Variants in RIN2 observed in about 807,000 individuals in gnomAD.
RIN2 encodes RAB5 interacting protein 2.
RIN2 carries 36 observed loss-of-function variants against 78.0 expected under a neutral mutation model. That is an observed-to-expected ratio of 0.46 (90% CI 0.35 to 0.61). The LOEUF (loss-of-function observed/expected upper bound fraction) is 0.61, where lower values mean the gene tolerates loss of function less well. Ranked by LOEUF, RIN2 falls within the 20% of genes least tolerant of loss-of-function variation. The pLI is 0.00. For missense variants in RIN2, 1,087 were observed against 1,159.7 expected (o/e 0.94, Z 0.91); for synonymous variants, 466 against 466.8 (o/e 1.00, Z 0.02).
intron 3 of RIN2, among the ~76,000 whole-genome samples, chr20:19,903,794 T>A (rs557297300): frequency 1.3e-5 from 2 of 152,346 alleles, no homozygotes; most frequent in Non-Finnish European, 2.9e-5. Flanking sequence ...TATCTCTGAA[T>A]CAGGCTTTCC....
At chr20:19,854,107 G>A (rs1161198939) in intron 2 of RIN2, among the ~76,000 whole-genome samples, 3 of 152,122 alleles carry the variant, frequency 2.0e-5, no homozygotes, top group African/African-American at 2.4e-5. Context: ...TGGCTAGCCA[G>A]TTTTCCCAGC....
chr20:19,868,925 A>G (rs2037592524), intron 2 of RIN2, among the ~76,000 whole-genome samples: 1 of 152,066 alleles, frequency 6.6e-6, no homozygotes, highest in African/African-American at 2.4e-5. Context: ...TACTAAAAAT[A>G]CAAAAAGTTA....
At position 19,890,679 on chromosome 20, in the gene RIN2, C is replaced by CAAAAAAAAAAAAAAAAAAAA. The variant is rs534202183; in HGVS notation, c.57+1026_57+1045dup. Among the ~76,000 whole-genome samples the CAAAAAAAAAAAAAAAAAAAA allele has an allele frequency of 6.2e-5, 4 of 64,458 alleles. 1 individual carries two copies. The highest frequency in any genetic ancestry group is 1.1e-4 in the African/African-American group (2 of 17,454). 42.3% of individuals were successfully genotyped at this position (64,458 alleles called of 152,430 possible). ...TATATTGTGTCAACTGTTGACTCTA[C>CAAAAAAAAAAAAAAAAAAAA]AAAAAAAAAAAAAAAAAAAAAAAAC... On this transcript the variant is annotated intron_variant, in intron 3 of 12. Transcript: ENST00000255006.
intron 2 of RIN2, among the ~76,000 whole-genome samples, chr20:19,840,885 A>G (rs370965030): frequency 2.6e-5 from 4 of 152,146 alleles, no homozygotes; most frequent in East Asian, 3.9e-4. Context: ...ACTGGTTAAG[A>G]GAGTTTGTTG....
intron 1 of RIN2, among the ~76,000 whole-genome samples, chr20:19,770,945 G>T (rs1365106217): frequency 2.7e-5 from 4 of 147,914 alleles, no homozygotes; most frequent in Non-Finnish European, 5.9e-5. Flanking sequence ...CCGGCATCAA[G>T]TGGGGGTTCC....
chr20:19,804,609 A>C (rs1445519043), intron 2 of RIN2, among the ~76,000 whole-genome samples: 1 of 152,120 alleles, frequency 6.6e-6, no homozygotes, highest in Non-Finnish European at 1.5e-5. Context: ...CCAGTATTTT[A>C]TTGAGGATTT....
chr20:19,901,652 A>G (rs1171691952), intron 3 of RIN2, among the ~76,000 whole-genome samples: 2 of 152,226 alleles, frequency 1.3e-5, no homozygotes, highest in Non-Finnish European at 2.9e-5. Context: ...AAAATCAACT[A>G]TTTTGGTGCC....
rs1458603682 is a variant in RIN2 at position 20,000,931 on chromosome 20, T to C, written c.2683T>C (p.Ser895Pro). 6.2e-7 allele frequency: 1 copy of C among 1,607,870 alleles called. No individual in the cohort carries two copies. Among genetic ancestry groups the C allele is most frequent in the Non-Finnish European group, 8.5e-7 (1 of 1,176,990 alleles). ...FQNGEEDLTTS is the reference protein window; with the variant it reads ...FQNGEEDLTTP ...GAACGGGGAAGAAGACCTCACCACC[T>C]CCTAGAAGACAGGCGGGACTTCCCA... is the stretch of plus-strand genomic sequence containing the variant. Residue 895 changes from serine to proline, a missense_variant, in exon 13 of 13, where the codon TCC becomes CCC. Physicochemically the swap from Ser to Pro is moderately conservative, Grantham distance 74. Transcript: ENST00000255006.
At chr20:19,820,519 G>T (rs1351430447) in intron 2 of RIN2, among the ~76,000 whole-genome samples, 3 of 152,216 alleles carry the variant, frequency 2.0e-5, no homozygotes, top group African/African-American at 7.2e-5. Context: ...TTCTATCACA[G>T]ATTTGGAGAG....
chr20:19,831,276 T>C (rs1241549502), intron 2 of RIN2, among the ~76,000 whole-genome samples: 1 of 152,226 alleles, frequency 6.6e-6, no homozygotes, highest in Non-Finnish European at 1.5e-5. Context: ...TACATTAACA[T>C]TTTTTAACCT....
At position 19,844,839 on chromosome 20, in the gene RIN2, C is replaced by A. The variant is rs538882741; in HGVS notation, c.-36-44727C>A. On this transcript the variant is annotated intron_variant, in intron 2 of 12. Transcript: ENST00000255006. ...CATGATGGTTTGCTGCACCAATCAA[C>A]CTGTCATCTACATTAGGTATTTCTG... Among the ~76,000 whole-genome samples the A allele has an allele frequency of 1.0e-3, 153 of 151,946 alleles. 1 individual carries two copies. The highest frequency in any genetic ancestry group is 3.4e-3 in the Middle Eastern group (1 of 294).
chr20:19,805,874 C>G lies in RIN2; in HGVS notation c.-37+6127C>G, dbSNP rs140638386. Among the ~76,000 whole-genome samples, 305 of 152,274 alleles carry G rather than the reference C, an allele frequency of 2.0e-3. 2 individuals are homozygous for G. The highest frequency in any genetic ancestry group is 7.0e-3 in the African/African-American group (290 of 41,548). On this transcript the variant is annotated intron_variant, in intron 2 of 12. Coordinates refer to ENST00000255006, the MANE Select transcript of RIN2 (RefSeq NM_018993.4). ...CTAATGCTATCCCTCCCCCAGCCCC[C>G]AACCTCCAACAGGCCACAGTGTGTG...
chr20:19,824,735 G>A (rs2036033230), intron 2 of RIN2, among the ~76,000 whole-genome samples: 1 of 152,164 alleles, frequency 6.6e-6, no homozygotes, highest in African/African-American at 2.4e-5. Flanking sequence ...AGGAGCTAAG[G>A]AGAAGGAAAA....
chr20:19,956,665 C>G lies in RIN2; in HGVS notation c.209C>G (p.Thr70Ser). 6.2e-7 allele frequency: 1 copy of G among 1,613,388 alleles called. No homozygotes were observed. Among genetic ancestry groups the G allele is most frequent in the Non-Finnish European group, 8.5e-7 (1 of 1,179,708 alleles). ...TATTCCGAGGAAGAGGACGTGAAGACCTGTGCCCGGGACTCAGGCTATGAC... is the reference window on the plus strand; with the variant it reads ...TATTCCGAGGAAGAGGACGTGAAGAGCTGTGCCCGGGACTCAGGCTATGAC... ...GGYSEEEDVK[T>S]CARDSGYDSL... The change falls in exon 5 of 13, where the codon ACC becomes AGC. Residue 70 changes from threonine (T) to serine (S), a missense_variant. This residue lies in a region of RIN2 where 706 missense variants were observed against 667.5 expected (regional missense o/e 1.06). Coordinates refer to ENST00000255006, the MANE Select transcript of RIN2 (RefSeq NM_018993.4).
chr20:19,939,403 G>A (rs2040773382), intron 4 of RIN2, among the ~76,000 whole-genome samples: 1 of 152,194 alleles, frequency 6.6e-6, no homozygotes, highest in Non-Finnish European at 1.5e-5. Context: ...CACTGCAGTA[G>A]CCCCTGCCTG....
chr20:19,850,352 G>C (rs1172766329), intron 2 of RIN2, among the ~76,000 whole-genome samples: 3 of 152,136 alleles, frequency 2.0e-5, no homozygotes, highest in Non-Finnish European at 4.4e-5. Flanking sequence ...CTCCGTGCAG[G>C]CTGTTGTTTT....
chr20:19,812,098 A>C (rs2035623201), intron 2 of RIN2, among the ~76,000 whole-genome samples: 1 of 151,546 alleles, frequency 6.6e-6, no homozygotes, highest in Non-Finnish European at 1.5e-5. Context: ...CATTGCATGG[A>C]TTTATCACAC....
intron 2 of RIN2, among the ~76,000 whole-genome samples, chr20:19,847,726 T>C (rs1426510482): frequency 6.6e-6 from 1 of 152,346 alleles, no homozygotes; most frequent in East Asian, 1.9e-4. Context: ...TTTAGATATA[T>C]TGGGAAATTA....
At chr20:19,775,846 T>C (rs2034290162) in intron 1 of RIN2, among the ~76,000 whole-genome samples, 1 of 152,244 alleles carries the variant, frequency 6.6e-6, no homozygotes. Flanking sequence ...AGTATGGGAC[T>C]CAGCTGCAGT....
Sources: allele counts gnomAD v4.1 joint callset (sites outside exome capture counted in the v4.1 genomes callset), GRCh38; gene constraint gnomAD v4.1.1; regional missense constraint gnomAD v4.1.1; transcripts MANE v1.5; gene names NCBI Gene and HGNC (gene_info 2026-07-23, HGNC 2026-07-21).